Variants in VSIG1 observed in about 807,000 individuals in gnomAD.
The protein encoded by VSIG1 is V-set and immunoglobulin domain-containing protein 1.
VSIG1 carries 11 observed loss-of-function variants against 20.1 expected under a neutral mutation model. The ratio of observed to expected loss-of-function variants is 0.55; its 90% CI spans 0.34 to 0.91. VSIG1 has a LOEUF of 0.91. VSIG1 is among the 40% of genes least tolerant of loss of function. The pLI, the probability that VSIG1 is intolerant of heterozygous loss-of-function variation, is 0.02. For synonymous variants in VSIG1, 126 were observed against 116.7 expected (o/e 1.08, Z -0.52); for missense variants, 283 against 298.8 (o/e 0.95, Z 0.39).
chrX:108,063,649 G>A (rs2031073108), intron 2 of VSIG1, among the ~76,000 whole-genome samples: 1 of 110,982 alleles, frequency 9.0e-6, no homozygotes, highest in Non-Finnish European at 1.9e-5. Context: ...GGCTCCTGAA[G>A]GCCCCTTAAC....
the VSIG1 span, among the ~76,000 whole-genome samples, chrX:108,033,882 G>A: frequency 2.7e-5 from 3 of 109,964 alleles, no homozygotes; most frequent in South Asian, 4.0e-4. Context: ...TTAATCTCAC[G>A]GTTTGGTTTA....
At chrX:108,047,879 T>TACACAC (rs2030646831) in intron 1 of VSIG1, among the ~76,000 whole-genome samples, 3 of 36,210 alleles carry the variant, frequency 8.3e-5, no homozygotes, top group Non-Finnish European at 1.5e-4. Context: ...TACACATATA[T>TACACAC]ATATATACAC....
At chrX:108,057,022 T>C (rs1478700809) in intron 1 of VSIG1, among the ~76,000 whole-genome samples, 3 of 112,173 alleles carry the variant, frequency 2.7e-5, no homozygotes, top group Admixed American at 9.5e-5. Flanking sequence ...TTAAACAAAC[T>C]GTATTACATA....
At chrX:108,057,992 A>G (rs2030939144) in intron 1 of VSIG1, 46 bp from the exon 2 acceptor site, 2 of 1,132,568 alleles carry the variant, frequency 1.8e-6, no homozygotes, top group Non-Finnish European at 2.4e-6. Context: ...CAGTGTTATC[A>G]GAATTTGAGT....
intron 2 of VSIG1, among the ~76,000 whole-genome samples, chrX:108,065,969 G>A (rs1403752108): frequency 9.0e-6 from 1 of 111,200 alleles, no homozygotes; most frequent in African/African-American, 3.3e-5. Flanking sequence ...ATGACTAGAG[G>A]CCACCTCCCC....
At position 108,058,023 on chromosome X, in the gene VSIG1, T is replaced by C; in HGVS notation, c.50-15T>C. 8.4e-7 allele frequency: 1 copy of C among 1,194,025 alleles called. No homozygotes were observed. Among genetic ancestry groups the C allele is most frequent in the Non-Finnish European group, 1.1e-6 (1 of 886,673 alleles). On this transcript the variant is annotated splice_polypyrimidine_tract_variant and intron_variant, in intron 1 of 6. Transcript: ENST00000217957. Reference sequence around the variant, plus strand: ...TGAGTATGTACTATTGATTTTTTTATGATTATCTTTTCAGGTCAGGTTAGT... The same window carrying C: ...TGAGTATGTACTATTGATTTTTTTACGATTATCTTTTCAGGTCAGGTTAGT...
chrX:108,061,193 A>C (rs990834288), intron 2 of VSIG1, among the ~76,000 whole-genome samples: 1 of 112,813 alleles, frequency 8.9e-6, no homozygotes, highest in Non-Finnish European at 1.9e-5. Flanking sequence ...TCCTCTTTGA[A>C]AACATTCAAA....
the VSIG1 span, among the ~76,000 whole-genome samples, chrX:108,028,866 G>A: frequency 9.0e-6 from 1 of 111,523 alleles, no homozygotes; most frequent in South Asian, 3.8e-4. Flanking sequence ...TTCTGAGGAA[G>A]GATGGTAGGA....
chrX:108,060,055 G>T (rs2030990578), intron 2 of VSIG1, among the ~76,000 whole-genome samples: 2 of 111,630 alleles, frequency 1.8e-5, no homozygotes, highest in Admixed American at 9.5e-5. Context: ...GACCAGCAAT[G>T]AGCTTTTTCT....
Position 108,073,446 on chromosome X carries a change from G to A in VSIG1, c.688+77G>A, listed in dbSNP as rs142829791. On this transcript the variant is annotated intron_variant, in intron 5 of 6. Transcript: ENST00000217957. ...GCCTGTCAGACAAATAAATTAGTTA[G>A]GATCCCCAGTTAGTGCTTCCTGCTT... is the stretch of plus-strand genomic sequence containing the variant. 7.1e-4 allele frequency: 793 copies of A among 1,119,717 alleles called. 4 individuals carry two copies. The African/African-American group carries it at 0.013, about 18-fold the overall frequency. The allele number at this position is 1,119,717 out of a possible 1,213,427, so 92.3% of individuals were successfully genotyped here. A position where few individuals can be genotyped will look rare whatever the true frequency, so the allele number is the denominator to read the frequency against.
At chrX:108,035,904 T>C in the VSIG1 span, among the ~76,000 whole-genome samples, 1 of 107,456 alleles carries the variant, frequency 9.3e-6, no homozygotes, top group Non-Finnish European at 1.9e-5. Flanking sequence ...CAAGTCTTGG[T>C]CTTCTACTTA....
chrX:108,060,304 G>C (rs1315266136), intron 2 of VSIG1, among the ~76,000 whole-genome samples: 1 of 111,550 alleles, frequency 9.0e-6, no homozygotes, highest in African/African-American at 3.3e-5. Flanking sequence ...GCACTGAGCT[G>C]CTGGATCAGG....
rs766838731 is a variant in VSIG1, at chrX:108,072,709, G to A, written c.445G>A (p.Gly149Arg). 1 of 1,211,417 alleles carries A rather than the reference G, an allele frequency of 8.3e-7. No individual in the cohort carries two copies. The highest frequency in any genetic ancestry group is 2.2e-5 in the Admixed American group (1 of 46,031). The stretch of plus-strand genomic sequence containing the variant: ...TTCTAAGCCCCTTTGTAGCGTTCAA[G>A]GAAGACCAGAAACTGGCCACACTAT... ...KPSKPLCSVQ[G>R]RPETGHTISL... Residue 149 changes from glycine (G) to arginine (R), a missense_variant, in exon 4 of 7, where the codon GGA becomes AGA. By Grantham distance (125) the Gly-to-Arg change is moderately radical (BLOSUM62 -2). Coordinates refer to ENST00000217957, the MANE Select transcript of VSIG1 (RefSeq NM_182607.5).
At chrX:108,052,663 T>C (rs1415321491) in intron 1 of VSIG1, among the ~76,000 whole-genome samples, 3 of 111,208 alleles carry the variant, frequency 2.7e-5, no homozygotes, top group African/African-American at 9.8e-5. Context: ...ATAAATTACG[T>C]GAGGTGATGG....
At chrX:108,076,291 C>T in intron 6 of VSIG1, 73 bp downstream of exon 6, 1 of 1,077,334 alleles carries the variant, frequency 9.3e-7, no homozygotes, top group Non-Finnish European at 1.3e-6. Context: ...TCATCAATTC[C>T]TAAGCACTCC....
chrX:108,069,998 G>A (rs533592219), intron 3 of VSIG1, among the ~76,000 whole-genome samples: 1 of 112,152 alleles, frequency 8.9e-6, no homozygotes, highest in African/African-American at 3.2e-5. Context: ...AAACAGCAAT[G>A]GGCAAAGAAC....
chrX:108,072,545 G>T (rs763543939), intron 3 of VSIG1, 132 bp from the exon 4 acceptor site: 3 of 672,422 alleles, frequency 4.5e-6, no homozygotes, highest in Non-Finnish European at 2.2e-6. Context: ...GAGCCACTGC[G>T]CCTGGCCAAG....
At position 108,058,142 on chromosome X, in the gene VSIG1, C is replaced by T. The variant is rs766303832; in HGVS notation, c.154C>T (p.Arg52Ter). 1.7e-6 allele frequency: 2 copies of T among 1,210,694 alleles called. No individual in the cohort carries two copies. Among genetic ancestry groups the T allele is most frequent in the Admixed American group, 2.2e-5 (1 of 45,941 alleles). ...CATCTACACCACCACTGTGGCCTCC[C>T]GAGAACAGCTTTCCATCCAGTGGTC... ...ICIYTTTVAS[R>*]EQLSIQWSFF... The change falls in exon 2 of 7, where the codon CGA becomes TGA. Residue 52 changes from arginine to a stop codon, truncating the protein, a stop_gained. Coordinates refer to ENST00000217957, the MANE Select transcript of VSIG1 (RefSeq NM_182607.5). LOFTEE classifies it high-confidence loss of function.
chrX:108,035,987 T>C, the VSIG1 span, among the ~76,000 whole-genome samples: 2 of 103,853 alleles, frequency 1.9e-5, no homozygotes, highest in Non-Finnish European at 3.9e-5. Flanking sequence ...ATGAGGAGTA[T>C]AACTAACACT....
Sources: allele counts gnomAD v4.1 joint callset (sites outside exome capture counted in the v4.1 genomes callset), GRCh38; gene constraint gnomAD v4.1.1; transcripts MANE v1.5; gene names NCBI Gene and HGNC (gene_info 2026-07-23, HGNC 2026-07-21).